The following ADGRG1 variants were observed in gnomAD, a reference collection of about 807,000 sequenced individuals.
ADGRG1 encodes adhesion G protein-coupled receptor G1.
A neutral mutation model predicts 73.5 loss-of-function variants in ADGRG1; 53 were observed. The ratio of observed to expected loss-of-function variants is 0.72; its 90% confidence interval spans 0.58 to 0.91. The LOEUF (loss-of-function observed/expected upper bound fraction) is 0.91. ADGRG1 is among the 40% of genes least tolerant of loss of function. ADGRG1 has a pLI of 0.00. For missense variants in ADGRG1, 795 were observed against 871.8 expected (o/e 0.91, Z 1.11); for synonymous variants, 394 against 374.4 (o/e 1.05, Z -0.60).
chr16:57,645,652 G>C (rs557920408), intron 1 of ADGRG1, among the ~76,000 whole-genome samples: 92 of 152,294 alleles, frequency 6.0e-4, no homozygotes, highest in African/African-American at 2.2e-3. Context: ...TCCCAAGCCT[G>C]CAGTATGTCC....
chr16:57,642,132 A>C, intron 1 of ADGRG1: 1 of 985,246 alleles, frequency 1.0e-6, no homozygotes, highest in Non-Finnish European at 1.2e-6. Flanking sequence ...TCTCTTTTCC[A>C]ACATCCTGAG....
At chr16:57,627,622 G>A (rs1356544468), upstream of ADGRG1, 2 of 209,580 alleles carry the variant, frequency 9.5e-6, no homozygotes, top group Non-Finnish European at 1.7e-5. Flanking sequence ...GAGCTGGAAT[G>A]CAGACGGTGG....
chr16:57,623,660 TG>T, upstream of ADGRG1: 1 of 298,490 alleles, frequency 3.4e-6, no homozygotes, highest in Non-Finnish European at 4.9e-6. Flanking sequence ...GGGCAGTGGG[TG>T]GGGGAGGCGG....
At chr16:57,626,798 T>G (rs1452528419), upstream of ADGRG1, 5 of 983,868 alleles carry the variant, frequency 5.1e-6, no homozygotes, top group East Asian at 4.5e-4. Flanking sequence ...GGTTACCAGT[T>G]GATCAGGCCC....
At chr16:57,626,852 G>A, upstream of ADGRG1, 2 of 977,000 alleles carry the variant, frequency 2.0e-6, no homozygotes, top group Non-Finnish European at 2.4e-6. Flanking sequence ...GTGGTGGTAT[G>A]TCAGGGACAA....
Position 57,628,979 on chromosome 16 carries a change from AGT to A in ADGRG1, c.-36+179_-36+180del, listed in dbSNP as rs1567669468. 1.8e-4 allele frequency: 53 copies of A among 294,176 alleles called. 1 individual carries two copies. In the African/African-American group the frequency reaches 3.3e-3, roughly 18 times the overall value. The allele number at this position is 294,176 out of a possible 1,614,324, so 18.2% of individuals were successfully genotyped here. A position where few individuals can be genotyped will look rare whatever the true frequency, so the allele number is the denominator to read the frequency against. On this transcript the variant is annotated intron_variant, in intron 1 of 13. Coordinates refer to ENST00000562631, the MANE Select transcript of ADGRG1 (RefSeq NM_201525.4). The stretch of plus-strand genomic sequence containing the variant: ...GAGTGTGTGAGTGTGAGTGTGTGAG[AGT>A]GAGTGAGAATGTGAGTGTGAGTGTG...
upstream of ADGRG1, chr16:57,622,733 G>A: frequency 1.0e-6 from 1 of 982,488 alleles, no homozygotes; most frequent in Non-Finnish European, 1.2e-6. Flanking sequence ...TGGGAGGCTA[G>A]GCAAAAGGTC....
intron 1 of ADGRG1, chr16:57,634,534 C>A: frequency 1.1e-6 from 1 of 922,280 alleles, no homozygotes; most frequent in Non-Finnish European, 1.3e-6. Flanking sequence ...GAAACTTTAT[C>A]CACATTTCAC....
At chr16:57,660,940 C>T in intron 12 of ADGRG1, 64 bp downstream of exon 12, 6 of 991,428 alleles carry the variant, frequency 6.1e-6, no homozygotes, top group Middle Eastern at 4.1e-4. Context: ...CAGAGTGCAG[C>T]CCGGGCCCAG....
intron 1 of ADGRG1, chr16:57,635,034 G>A (rs1214721228): frequency 3.0e-6 from 3 of 985,230 alleles, no homozygotes; most frequent in African/African-American, 1.7e-5. Context: ...GAGCAGAGGG[G>A]GAGAGGGACC....
At chr16:57,628,237 T>C (rs1374145452), upstream of ADGRG1, 1 of 929,644 alleles carries the variant, frequency 1.1e-6, no homozygotes, top group Non-Finnish European at 1.3e-6. Context: ...GTTGTCGCCC[T>C]GACCTGGGGG....
chr16:57,659,050 G>A (rs1470725846), intron 10 of ADGRG1: 12 of 985,302 alleles, frequency 1.2e-5, no homozygotes, highest in Admixed American at 6.1e-5. Flanking sequence ...GCAGACAGAC[G>A]GGAAGACACA....
chr16:57,629,067 AGT>A (rs2036968324), intron 1 of ADGRG1: 1 of 545,488 alleles, frequency 1.8e-6, no homozygotes, highest in Non-Finnish European at 2.3e-6. Context: ...TATGAGTGTG[AGT>A]GTGAGTGTGG....
intron 1 of ADGRG1, chr16:57,647,796 G>C (rs562055835): frequency 5.1e-6 from 5 of 982,560 alleles, no homozygotes; most frequent in Non-Finnish European, 6.0e-6. Flanking sequence ...GAAGTGGCAG[G>C]GACAGTTGGT....
intron 1 of ADGRG1, among the ~76,000 whole-genome samples, chr16:57,645,582 T>C (rs2042413690): frequency 6.6e-6 from 1 of 152,112 alleles, no homozygotes; most frequent in African/African-American, 2.4e-5. Context: ...GTCCCTCCCC[T>C]CTCTGACCAT....
chr16:57,632,928 CG>C, intron 1 of ADGRG1: 1 of 985,424 alleles, frequency 1.0e-6, no homozygotes, highest in Non-Finnish European at 1.2e-6. Context: ...TTCCCAGACT[CG>C]GGGCCACTTA....
At chr16:57,626,894 C>G, upstream of ADGRG1, 1 of 984,672 alleles carries the variant, frequency 1.0e-6, no homozygotes, top group Non-Finnish European at 1.2e-6. Context: ...CACTTGTCCT[C>G]CCTTGTTAGT....
In ADGRG1 at chr16:57,663,651, G is replaced by A. The variant is rs542703348; in HGVS notation, c.*69G>A. 67 of 1,555,004 alleles carry A rather than the reference G, an allele frequency of 4.3e-5. No homozygotes were observed. The East Asian group carries it at 4.9e-4, about 11-fold the overall frequency. ...TCGTCGCACACTGCCTGTGGCCCCC[G>A]AGCCCGGCCCAGCCCCAGGCCAGTC... is the stretch of plus-strand genomic sequence containing the variant. On this transcript the variant is annotated 3_prime_UTR_variant, in exon 14 of 14. Transcript: ENST00000562631.
chr16:57,628,553 TCAGGGAG>T (rs2036367359), upstream of ADGRG1: 2 of 985,386 alleles, frequency 2.0e-6, no homozygotes, highest in South Asian at 4.7e-5. Flanking sequence ...CCAGTCAAGC[TCAGGGAG>T]GAGGGAGGAG....
Sources: gnomAD v4.1 joint callset for allele counts (sites outside exome capture counted in the v4.1 genomes callset) on GRCh38, gnomAD v4.1.1 for gene constraint, MANE v1.5 for transcripts, NCBI Gene and HGNC (gene_info 2026-07-23, HGNC 2026-07-21) for gene names.